KCTD8: variants seen among roughly 807,000 people sequenced by gnomAD.
KCTD8 encodes BTB/POZ domain-containing protein KCTD8.
Under a neutral mutation model 31.5 loss-of-function variants are expected in KCTD8, and 27 were observed. That is an observed-to-expected ratio of 0.86 (90% CI 0.63 to 1.18). The LOEUF (loss-of-function observed/expected upper bound fraction) is 1.18, where lower values mean the gene tolerates loss of function less well. Ranked by LOEUF, KCTD8 falls within the 50% of genes most tolerant of loss-of-function variation. The pLI is 0.00. For synonymous variants in KCTD8, 290 were observed against 280.0 expected (o/e 1.04, Z -0.36); for missense variants, 658 against 647.7 (o/e 1.02, Z -0.17).
intron 1 of KCTD8, among the ~76,000 whole-genome samples, chr4:44,238,343 A>G (rs564060230): frequency 5.9e-5 from 9 of 152,014 alleles, no homozygotes; most frequent in African/African-American, 1.7e-4. Context: ...CTCTCTCTCT[A>G]TATAAACTTA....
intron 1 of KCTD8, among the ~76,000 whole-genome samples, chr4:44,390,927 C>T (rs555593598): frequency 6.6e-6 from 1 of 151,850 alleles, no homozygotes; most frequent in Non-Finnish European, 1.5e-5. Flanking sequence ...TCCAGAAATC[C>T]CATGACTAGG....
At chr4:44,190,828 A>G (rs1419080967) in intron 1 of KCTD8, among the ~76,000 whole-genome samples, 1 of 152,198 alleles carries the variant, frequency 6.6e-6, no homozygotes, top group Non-Finnish European at 1.5e-5. Flanking sequence ...GATCAACTCC[A>G]CTGTTGGACA....
intron 1 of KCTD8, among the ~76,000 whole-genome samples, chr4:44,291,226 C>T (rs937144161): frequency 1.3e-5 from 2 of 152,048 alleles, no homozygotes; most frequent in Non-Finnish European, 2.9e-5. Flanking sequence ...AGATACATTC[C>T]TGGAAACACA....
intron 1 of KCTD8, among the ~76,000 whole-genome samples, chr4:44,196,598 A>C (rs1052063144): frequency 3.9e-5 from 6 of 152,198 alleles, no homozygotes; most frequent in African/African-American, 1.4e-4. Flanking sequence ...CCATCAAAGG[A>C]GTAAGAGAAC....
chr4:44,235,238 C>T (rs1715241810), intron 1 of KCTD8, among the ~76,000 whole-genome samples: 1 of 145,288 alleles, frequency 6.9e-6, no homozygotes. Context: ...ACCCTCAAAA[C>T]TTTTTATACA....
intron 1 of KCTD8, among the ~76,000 whole-genome samples, chr4:44,203,654 T>C (rs1214582313): frequency 6.6e-6 from 1 of 151,062 alleles, no homozygotes; most frequent in African/African-American, 2.4e-5. Context: ...AATACAAATA[T>C]AAGAAAATAA....
intron 1 of KCTD8, among the ~76,000 whole-genome samples, chr4:44,357,905 A>ATTATTATT (rs1560434983): frequency 1.9e-4 from 28 of 151,268 alleles, no homozygotes; most frequent in African/African-American, 6.5e-4. Flanking sequence ...TTATTATTAT[A>ATTATTATT]ATTATTATTA....
chr4:44,378,102 A>C (rs1050367707), intron 1 of KCTD8, among the ~76,000 whole-genome samples: 24 of 136,346 alleles, frequency 1.8e-4, no homozygotes, highest in South Asian at 4.3e-4. Flanking sequence ...ATAAGAAAGC[A>C]AAAAAAAAAT....
chr4:44,216,089 G>A (rs1002259533), intron 1 of KCTD8, among the ~76,000 whole-genome samples: 8 of 152,054 alleles, frequency 5.3e-5, no homozygotes, highest in Admixed American at 1.3e-4. Flanking sequence ...AATTATCTCC[G>A]CTATTAAATT....
intron 1 of KCTD8, among the ~76,000 whole-genome samples, chr4:44,336,590 ATG>A (rs1718752548): frequency 6.6e-6 from 1 of 152,140 alleles, no homozygotes; most frequent in Non-Finnish European, 1.5e-5. Flanking sequence ...CGTTACAACT[ATG>A]AGAGAAAGCA....
intron 1 of KCTD8, among the ~76,000 whole-genome samples, chr4:44,292,187 T>G (rs1487586862): frequency 6.6e-6 from 1 of 152,082 alleles, no homozygotes; most frequent in Non-Finnish European, 1.5e-5. Flanking sequence ...TGTTAATCAC[T>G]GCACTATTCA....
At chr4:44,290,143 A>G (rs1717227304) in intron 1 of KCTD8, among the ~76,000 whole-genome samples, 1 of 152,130 alleles carries the variant, frequency 6.6e-6, no homozygotes, top group African/African-American at 2.4e-5. Context: ...AATGAAAAAC[A>G]ATAAAGTGCA....
At chr4:44,418,771 T>C (rs1721140048) in intron 1 of KCTD8, among the ~76,000 whole-genome samples, 1 of 152,174 alleles carries the variant, frequency 6.6e-6, no homozygotes, top group Non-Finnish European at 1.5e-5. Context: ...ATCTGTGAAG[T>C]GGTAAAAACA....
At chr4:44,241,938 T>G (rs930105381) in intron 1 of KCTD8, among the ~76,000 whole-genome samples, 6 of 147,724 alleles carry the variant, frequency 4.1e-5, no homozygotes, top group Middle Eastern at 3.5e-3. Flanking sequence ...TAAAAAAGTG[T>G]TTTTTTTCCA....
chr4:44,350,442 A>C (rs1475720049), intron 1 of KCTD8, among the ~76,000 whole-genome samples: 1 of 152,156 alleles, frequency 6.6e-6, no homozygotes, highest in Non-Finnish European at 1.5e-5. Context: ...TTTCATGTAC[A>C]CCTATAATAA....
rs1040449002 is a variant in KCTD8, at chr4:44,218,273, A to G, written c.962-43023T>C. Among the ~76,000 whole-genome samples, 50 of 151,536 alleles carry G rather than the reference A, an allele frequency of 3.3e-4. No individual in the cohort carries two copies. The Middle Eastern group carries it at 0.014, about 42-fold the overall frequency. ...CTCAGCTTCCTGAGTAGCTGGGATT[A>G]TAAGCATGCACCACCACACCCGGCT... is the stretch of plus-strand genomic sequence containing the variant. On this transcript the variant is annotated intron_variant, in intron 1 of 1. Coordinates refer to ENST00000360029, the MANE Select transcript of KCTD8 (RefSeq NM_198353.3).
At chr4:44,437,568 T>C (rs1381154419) in intron 1 of KCTD8, among the ~76,000 whole-genome samples, 1 of 152,124 alleles carries the variant, frequency 6.6e-6, no homozygotes. Context: ...TTAAATGAAA[T>C]AGAGCATGAA....
chr4:44,265,388 T>C (rs1208082596), intron 1 of KCTD8, among the ~76,000 whole-genome samples: 1 of 152,100 alleles, frequency 6.6e-6, no homozygotes, highest in East Asian at 1.9e-4. Flanking sequence ...CAAAAACCCA[T>C]CTGTACATCA....
intron 1 of KCTD8, among the ~76,000 whole-genome samples, chr4:44,208,091 G>A (rs76712179): frequency 2.6e-5 from 4 of 152,098 alleles, no homozygotes; most frequent in Non-Finnish European, 5.9e-5. Flanking sequence ...GTCCACCACA[G>A]TTTTCCTCTT....
Sources: gnomAD v4.1 joint callset for allele counts (sites outside exome capture counted in the v4.1 genomes callset) on GRCh38, gnomAD v4.1.1 for gene constraint, MANE v1.5 for transcripts, NCBI Gene and HGNC (gene_info 2026-07-23, HGNC 2026-07-21) for gene names.